RAI14: variants seen among roughly 807,000 people sequenced by gnomAD.
RAI14 encodes the protein retinoic acid induced 14, also known as ankycorbin.
RAI14 carries 45 observed loss-of-function variants against 115.4 expected under a neutral mutation model. The ratio of observed to expected loss-of-function variants is 0.39; its 90% CI spans 0.31 to 0.50. RAI14 has a LOEUF of 0.50. RAI14 is among the 20% of genes least tolerant of loss of function. The probability of loss-of-function intolerance (pLI) is 0.85; values close to 1 mark genes in which losing one functional copy is unlikely to be tolerated. For missense variants in RAI14, 939 were observed against 1,131.2 expected, an observed-to-expected ratio of 0.83 and a Z score of 2.44; for synonymous variants, 371 against 415.4, an observed-to-expected ratio of 0.89 and a Z score of 1.30.
intron 2 of RAI14, among the ~76,000 whole-genome samples, chr5:34,741,538 C>T (rs556978697): frequency 1.3e-3 from 203 of 152,306 alleles, no homozygotes; most frequent in African/African-American, 4.8e-3. Flanking sequence ...AAAAAGTACT[C>T]GTAGTTACAA....
intron 9 of RAI14, 93 bp from the exon 10 acceptor site, chr5:34,812,087 T>G: frequency 7.6e-7 from 1 of 1,314,066 alleles, no homozygotes; most frequent in East Asian, 2.3e-5. Flanking sequence ...TAAAAAATAT[T>G]GTATATGGTG....
intron 6 of RAI14, 66 bp from the exon 7 acceptor site, chr5:34,808,518 A>G: frequency 7.0e-7 from 1 of 1,418,990 alleles, no homozygotes; most frequent in South Asian, 1.2e-5. Context: ...TTCCTGAAGT[A>G]TCTGATACCC....
chr5:34,688,264 A>G (rs774724660), intron 2 of RAI14: 2 of 1,542,726 alleles, frequency 1.3e-6, no homozygotes, highest in Non-Finnish European at 1.8e-6. Context: ...TAAATGGAAA[A>G]TGTTGCCCAA....
intron 2 of RAI14, among the ~76,000 whole-genome samples, chr5:34,708,347 C>T (rs1740980743): frequency 6.6e-6 from 1 of 152,098 alleles, no homozygotes; most frequent in African/African-American, 2.4e-5. Flanking sequence ...GGATTACAGG[C>T]ATGCGCCACC....
chr5:34,734,046 C>A (rs528744074), intron 2 of RAI14, among the ~76,000 whole-genome samples: 1 of 152,204 alleles, frequency 6.6e-6, no homozygotes, highest in Non-Finnish European at 1.5e-5. Flanking sequence ...GAGCTACCAC[C>A]GTGCCACGCT....
chr5:34,752,745 G>C (rs374495020), intron 2 of RAI14, among the ~76,000 whole-genome samples: 1 of 105,270 alleles, frequency 9.5e-6, no homozygotes, highest in African/African-American at 3.8e-5. Flanking sequence ...GTGTGTGTGT[G>C]TGTGTATATA....
chr5:34,739,597 GT>G (rs1331353274), intron 2 of RAI14, among the ~76,000 whole-genome samples: 2 of 152,174 alleles, frequency 1.3e-5, no homozygotes, highest in Non-Finnish European at 2.9e-5. Context: ...AAAAGGAAAA[GT>G]TGTGAAAGCT....
intron 2 of RAI14, among the ~76,000 whole-genome samples, chr5:34,702,483 G>T (rs538445968): frequency 6.6e-6 from 1 of 152,178 alleles, no homozygotes; most frequent in Non-Finnish European, 1.5e-5. Context: ...TGTCTCAGGC[G>T]GGGGGCAAGT....
chr5:34,740,333 G>A (rs1403461632), intron 2 of RAI14, among the ~76,000 whole-genome samples: 3 of 152,292 alleles, frequency 2.0e-5, no homozygotes, highest in East Asian at 3.9e-4. Flanking sequence ...AAGACCACAC[G>A]CTAGAGTTCC....
intron 2 of RAI14, among the ~76,000 whole-genome samples, chr5:34,752,769 A>ATG (rs1747284332): frequency 1.8e-5 from 2 of 109,320 alleles, no homozygotes; most frequent in Non-Finnish European, 3.7e-5. Context: ...ATATATATGT[A>ATG]TCTTTTCTTT....
intron 1 of RAI14, among the ~76,000 whole-genome samples, chr5:34,669,738 A>G (rs1743488396): frequency 6.6e-6 from 1 of 152,214 alleles, no homozygotes; most frequent in South Asian, 2.1e-4. Context: ...AGAGTTGTGC[A>G]GGATGGAATA....
chr5:34,822,664 CTTTTTTTTTTTTTTTTTTTTTT>C (rs143092935), intron 14 of RAI14, among the ~76,000 whole-genome samples: 5 of 47,566 alleles, frequency 1.1e-4, no homozygotes, highest in South Asian at 1.3e-3. Context: ...CCTTTGGTAT[CTTTTTTTTTTTTTTTTTTTTTT>C]TTTTTTTTTT....
intron 2 of RAI14, among the ~76,000 whole-genome samples, chr5:34,738,610 C>A (rs1173798182): frequency 6.6e-6 from 1 of 152,174 alleles, no homozygotes; most frequent in Non-Finnish European, 1.5e-5. Flanking sequence ...CTCACCATCA[C>A]CCTTTATTCC....
At chr5:34,783,050 G>C (rs1751856081) in intron 3 of RAI14, among the ~76,000 whole-genome samples, 1 of 152,176 alleles carries the variant, frequency 6.6e-6, no homozygotes, top group African/African-American at 2.4e-5. Flanking sequence ...ATGTGTAACT[G>C]TGTCAGATCG....
chr5:34,700,529 A>G (rs555059529), intron 2 of RAI14, among the ~76,000 whole-genome samples: 2 of 152,324 alleles, frequency 1.3e-5, no homozygotes, highest in South Asian at 4.1e-4. Flanking sequence ...GTGTTGAATG[A>G]ATGAGTGACT....
In RAI14 at chr5:34,830,947, T is replaced by A. The variant is rs1443299579; in HGVS notation, c.*182T>A. 6.4e-6 allele frequency: 7 copies of A among 1,100,766 alleles called. No homozygotes were observed. In the East Asian group the frequency reaches 2.0e-4, roughly 32 times the overall value. 68.2% of individuals were successfully genotyped at this position (1,100,766 alleles called of 1,614,324 possible). On this transcript the variant is annotated 3_prime_UTR_variant, in exon 18 of 18. Transcript: ENST00000265109. ...GAAGACTGCCCGCCTCAGAACTGCTTAGAGACTTCAAACCAGCAGAGGTGA... is the reference window on the plus strand; with the variant it reads ...GAAGACTGCCCGCCTCAGAACTGCTAAGAGACTTCAAACCAGCAGAGGTGA...
intron 3 of RAI14, among the ~76,000 whole-genome samples, chr5:34,786,668 C>T (rs115929136): frequency 0.027 from 4,102 of 152,166 alleles, 192 homozygotes; most frequent in African/African-American, 0.093. Context: ...GGGTGTCCTC[C>T]GCTTGGTTCC....
chr5:34,718,385 C>A (rs1014525069), intron 2 of RAI14, among the ~76,000 whole-genome samples: 5 of 152,224 alleles, frequency 3.3e-5, no homozygotes, highest in Admixed American at 1.3e-4. Flanking sequence ...GTTCACAGAT[C>A]TTTAAGAACT....
Position 34,793,252 on chromosome 5 carries a change from C to T in RAI14, c.168-2687C>T, listed in dbSNP as rs561441481. ...TCCAAGTGATGATCCTGAAACTCTG[C>T]ATTTCCCAAATCATTTGTAGAATAT... is the stretch of plus-strand genomic sequence containing the variant. On this transcript the variant is annotated intron_variant, in intron 3 of 17. Coordinates refer to ENST00000265109, the MANE Select transcript of RAI14 (RefSeq NM_015577.3). 2.6e-5 allele frequency among the ~76,000 whole-genome samples: 4 copies of T among 152,306 alleles called. No individual in the cohort carries two copies. The South Asian group carries it at 8.3e-4, about 32-fold the overall frequency.
Sources: allele counts gnomAD v4.1 joint callset (sites outside exome capture counted in the v4.1 genomes callset), GRCh38; gene constraint gnomAD v4.1.1; transcripts MANE v1.5; gene names NCBI Gene and HGNC (gene_info 2026-07-23, HGNC 2026-07-21).